Variants in IQCM observed in about 807,000 individuals in gnomAD.
IQCM encodes IQ domain-containing protein M.
IQCM carries 45 observed loss-of-function variants against 57.6 expected under a neutral mutation model. The observed-to-expected ratio is 0.78, with a 90% CI of 0.62 to 1.00. The LOEUF (loss-of-function observed/expected upper bound fraction) is 1.00. Ranked by LOEUF, IQCM falls within the 50% of genes least tolerant of loss-of-function variation. IQCM has a pLI of 0.00. For synonymous variants in IQCM, 148 were observed against 158.9 expected, an observed-to-expected ratio of 0.93 and a Z score of 0.51; for missense variants, 468 against 511.6, an observed-to-expected ratio of 0.91 and a Z score of 0.82.
intron 8 of IQCM, among the ~76,000 whole-genome samples, chr4:149,601,210 G>C (rs199952693): frequency 0.025 from 3 of 118 alleles, no homozygotes; most frequent in Admixed American, 0.17. Context: ...CCTAAGATTA[G>C]AAGATTAGAA....
In IQCM at chr4:149,371,640, T is replaced by A. The variant is rs139289014; in HGVS notation, c.1391-19574A>T. 1.3e-3 allele frequency among the ~76,000 whole-genome samples: 197 copies of A among 152,250 alleles called. 1 individual carries two copies. Among genetic ancestry groups the A allele is most frequent in the African/African-American group, 4.5e-3 (188 of 41,536 alleles). ...TGCGATGAAAACTAAGATTAGTCAATACCTCTTTATCACATAAAGCTCCAC... is the reference window on the plus strand; with the variant it reads ...TGCGATGAAAACTAAGATTAGTCAAAACCTCTTTATCACATAAAGCTCCAC... On this transcript the variant is annotated intron_variant, in intron 13 of 13. Transcript: ENST00000636793.
chr4:149,488,995 G>A (rs1175751970), intron 12 of IQCM, among the ~76,000 whole-genome samples: 2 of 152,118 alleles, frequency 1.3e-5, no homozygotes, highest in Non-Finnish European at 2.9e-5. Context: ...ACAAATTCTA[G>A]TGATTTCCAA....
intron 10 of IQCM, 43 bp from the exon 11 acceptor site, chr4:149,553,330 A>C: frequency 8.2e-7 from 1 of 1,213,662 alleles, no homozygotes; most frequent in Admixed American, 4.2e-5. Flanking sequence ...TGGTATTTAT[A>C]TTTAATTTGA....
chr4:149,779,498 A>G (rs568396149), intron 2 of IQCM, among the ~76,000 whole-genome samples: 88 of 152,198 alleles, frequency 5.8e-4, no homozygotes, highest in Non-Finnish European at 1.0e-3. Flanking sequence ...GCAAAATTCA[A>G]TGAAAGTAAG....
At chr4:149,770,333 G>A (rs1374806435) in intron 2 of IQCM, among the ~76,000 whole-genome samples, 1 of 152,034 alleles carries the variant, frequency 6.6e-6, no homozygotes, top group Admixed American at 6.6e-5. Context: ...TCCTGGCCCA[G>A]ATGGCTTCAC....
intron 7 of IQCM, among the ~76,000 whole-genome samples, chr4:149,674,603 T>C (rs1761590907): frequency 1.3e-5 from 2 of 152,202 alleles, no homozygotes; most frequent in Middle Eastern, 3.4e-3. Flanking sequence ...AAAAGAGTGA[T>C]GGATTGATGC....
intron 2 of IQCM, among the ~76,000 whole-genome samples, chr4:149,794,977 T>G (rs1772983893): frequency 1.3e-5 from 2 of 152,274 alleles, no homozygotes; most frequent in South Asian, 4.1e-4. Flanking sequence ...AGACATCTAT[T>G]ATAATTACAT....
At chr4:149,619,454 C>T (rs954988847) in intron 8 of IQCM, among the ~76,000 whole-genome samples, 1 of 152,028 alleles carries the variant, frequency 6.6e-6, no homozygotes, top group African/African-American at 2.4e-5. Context: ...AAAACAACTG[C>T]ACTATCCCTA....
chr4:149,747,834 T>C (rs1768075236), intron 2 of IQCM, among the ~76,000 whole-genome samples: 3 of 152,164 alleles, frequency 2.0e-5, no homozygotes. Context: ...TTAATTCAGG[T>C]TAATATATTA....
At chr4:149,781,738 A>G (rs1355383020) in intron 2 of IQCM, among the ~76,000 whole-genome samples, 4 of 152,234 alleles carry the variant, frequency 2.6e-5, no homozygotes, top group Non-Finnish European at 4.4e-5. Flanking sequence ...AAGGGAGACT[A>G]GTGAACTGCC....
chr4:149,535,050 A>G (rs184139941), intron 12 of IQCM, among the ~76,000 whole-genome samples: 2 of 152,198 alleles, frequency 1.3e-5, no homozygotes, highest in Non-Finnish European at 2.9e-5. Flanking sequence ...TGTATAATAA[A>G]AGCTTGATTC....
At chr4:149,503,271 A>G (rs949395166) in intron 12 of IQCM, among the ~76,000 whole-genome samples, 1 of 152,146 alleles carries the variant, frequency 6.6e-6, no homozygotes, top group African/African-American at 2.4e-5. Flanking sequence ...AAATTAAAAT[A>G]TCTTTTCTGA....
intron 9 of IQCM, among the ~76,000 whole-genome samples, chr4:149,587,446 C>A (rs1752743909): frequency 6.6e-6 from 1 of 151,738 alleles, no homozygotes; most frequent in African/African-American, 2.4e-5. Flanking sequence ...TAATCTCTCT[C>A]ACAAAATCAA....
chr4:149,598,970 T>C (rs1754023365), intron 8 of IQCM, among the ~76,000 whole-genome samples: 1 of 152,118 alleles, frequency 6.6e-6, no homozygotes, highest in African/African-American at 2.4e-5. Flanking sequence ...CCCACTGCAC[T>C]GACCTTGCCC....
intron 13 of IQCM, among the ~76,000 whole-genome samples, chr4:149,357,487 C>T (rs1042606301): frequency 7.9e-5 from 12 of 152,176 alleles, no homozygotes; most frequent in Non-Finnish European, 1.3e-4. Flanking sequence ...GCCTTTTCTG[C>T]GTCTATTGAG....
At chr4:149,739,475 T>C (rs1310334211) in intron 3 of IQCM, among the ~76,000 whole-genome samples, 1 of 151,876 alleles carries the variant, frequency 6.6e-6, no homozygotes. Context: ...TAATTTTTTT[T>C]TTTTTTTTAG....
chr4:149,690,414 G>A (rs111378979), intron 5 of IQCM, among the ~76,000 whole-genome samples: 2,915 of 151,876 alleles, frequency 0.019, 54 homozygotes, highest in African/African-American at 0.057. Context: ...GGACTTTGGG[G>A]ACTTGGGGGG....
chr4:149,773,045 A>C (rs564232068), intron 2 of IQCM, among the ~76,000 whole-genome samples: 9 of 152,318 alleles, frequency 5.9e-5, no homozygotes, highest in South Asian at 2.1e-4. Flanking sequence ...TAATGGTCAG[A>C]GCTAACCACT....
At chr4:149,793,999 A>G (rs1219823186) in intron 2 of IQCM, among the ~76,000 whole-genome samples, 1 of 152,222 alleles carries the variant, frequency 6.6e-6, no homozygotes, top group African/African-American at 2.4e-5. Context: ...AGAAAACTGT[A>G]ATGAGTGTTC....
Sources: allele counts gnomAD v4.1 joint callset (sites outside exome capture counted in the v4.1 genomes callset), GRCh38; gene constraint gnomAD v4.1.1; transcripts MANE v1.5; gene names NCBI Gene and HGNC (gene_info 2026-07-23, HGNC 2026-07-21).